The following LPAR1 variants were observed in gnomAD, a reference collection of about 807,000 sequenced individuals.
LPAR1 encodes LPA receptor 1.
A neutral mutation model predicts 23.8 loss-of-function variants in LPAR1; 5 were observed. That is an observed-to-expected ratio of 0.21 (90% CI 0.11 to 0.44). The LOEUF (loss-of-function observed/expected upper bound fraction) is 0.44, where lower values mean the gene tolerates loss of function less well. Ranked by LOEUF, LPAR1 falls within the 20% of genes least tolerant of loss-of-function variation. LPAR1 has a pLI of 0.99. For missense variants in LPAR1, 311 were observed against 482.8 expected, an observed-to-expected ratio of 0.64 and a Z score of 3.33; for synonymous variants, 160 against 164.7, an observed-to-expected ratio of 0.97 and a Z score of 0.22.
intron 5 of LPAR1, among the ~76,000 whole-genome samples, chr9:110,901,253 T>C (rs963120914): frequency 6.6e-6 from 1 of 152,156 alleles, no homozygotes; most frequent in Non-Finnish European, 1.5e-5. Flanking sequence ...GGCCTAAAGA[T>C]AGAGTATTTG....
chr9:110,884,274 C>T (rs965137288), intron 5 of LPAR1, among the ~76,000 whole-genome samples: 4 of 152,164 alleles, frequency 2.6e-5, no homozygotes, highest in Middle Eastern at 3.2e-3. Context: ...CTGCTCTCCT[C>T]GCAATCTAAT....
At chr9:110,901,738 A>G (rs563878578) in intron 5 of LPAR1, among the ~76,000 whole-genome samples, 55 of 151,292 alleles carry the variant, frequency 3.6e-4, no homozygotes, top group African/African-American at 1.3e-3. Context: ...ATATCACAGC[A>G]TGATTACGAA....
chr9:111,030,372 C>G (rs970030953), intron 2 of LPAR1, among the ~76,000 whole-genome samples: 1 of 152,220 alleles, frequency 6.6e-6, no homozygotes, highest in Non-Finnish European at 1.5e-5. Context: ...TAACAAAAGG[C>G]AATTCTGTTT....
chr9:110,897,384 G>A (rs2086787184), intron 5 of LPAR1, among the ~76,000 whole-genome samples: 1 of 152,148 alleles, frequency 6.6e-6, no homozygotes, highest in African/African-American at 2.4e-5. Context: ...CCACGATTGT[G>A]TGGCCTCCCA....
chr9:110,884,840 T>C (rs995341432), intron 5 of LPAR1, among the ~76,000 whole-genome samples: 2 of 152,252 alleles, frequency 1.3e-5, no homozygotes, highest in Non-Finnish European at 2.9e-5. Flanking sequence ...TTACAATGAA[T>C]GTTGGATATT....
intron 2 of LPAR1, among the ~76,000 whole-genome samples, chr9:110,984,369 ACCTCCAGTT>A (rs2096735397): frequency 1.3e-5 from 2 of 151,866 alleles, no homozygotes; most frequent in South Asian, 2.1e-4. Flanking sequence ...TAACACAGTG[ACCTCCAGTT>A]CCATCCATGT....
chr9:111,023,655 A>G (rs993531007), intron 2 of LPAR1, among the ~76,000 whole-genome samples: 3 of 152,210 alleles, frequency 2.0e-5, no homozygotes, highest in African/African-American at 4.8e-5. Flanking sequence ...TGGATGTTGA[A>G]AAATGAATGA....
chr9:111,028,536 T>C (rs1046603272), intron 2 of LPAR1, among the ~76,000 whole-genome samples: 10 of 152,160 alleles, frequency 6.6e-5, no homozygotes, highest in African/African-American at 2.4e-4. Context: ...AAGAATAAAC[T>C]TGTCTTTTTT....
intron 5 of LPAR1, among the ~76,000 whole-genome samples, chr9:110,910,267 C>G (rs2134321366): frequency 6.6e-6 from 1 of 152,112 alleles, no homozygotes; most frequent in Admixed American, 6.6e-5. Flanking sequence ...TCCTACAGCC[C>G]TTAAGAATTA....
At chr9:110,950,183 G>A (rs2095524255) in intron 4 of LPAR1, among the ~76,000 whole-genome samples, 1 of 151,984 alleles carries the variant, frequency 6.6e-6, no homozygotes, top group South Asian at 2.1e-4. Flanking sequence ...AACAAGGACA[G>A]GCGTGGTGGT....
At chr9:110,918,304 T>C (rs529564866) in intron 5 of LPAR1, among the ~76,000 whole-genome samples, 55 of 152,330 alleles carry the variant, frequency 3.6e-4, no homozygotes, top group African/African-American at 1.3e-3. Flanking sequence ...GTAAGACTGC[T>C]ATTGGACATA....
chr9:110,942,776 A>G (rs1456620779), intron 4 of LPAR1, among the ~76,000 whole-genome samples: 1 of 152,162 alleles, frequency 6.6e-6, no homozygotes, highest in Non-Finnish European at 1.5e-5. Context: ...CTACCCCCAC[A>G]ACTCCTTAAG....
intron 2 of LPAR1, among the ~76,000 whole-genome samples, chr9:111,019,961 C>G (rs1024652805): frequency 1.1e-4 from 17 of 152,184 alleles, no homozygotes; most frequent in Non-Finnish European, 2.4e-4. Flanking sequence ...TGAGGGCTCT[C>G]CTTTTGGCTT....
At chr9:110,994,608 G>A (rs71501655) in intron 2 of LPAR1, among the ~76,000 whole-genome samples, 1 of 152,124 alleles carries the variant, frequency 6.6e-6, no homozygotes, top group Non-Finnish European at 1.5e-5. Flanking sequence ...CTTTTTTACT[G>A]TACTTGCAAC....
At chr9:111,035,625 C>G (rs942537687) in intron 2 of LPAR1, among the ~76,000 whole-genome samples, 1 of 152,126 alleles carries the variant, frequency 6.6e-6, no homozygotes, top group Non-Finnish European at 1.5e-5. Flanking sequence ...GACTTTAAAC[C>G]AAGAGCTTAT....
At chr9:110,966,794 G>T (rs939831104) in intron 4 of LPAR1, among the ~76,000 whole-genome samples, 1 of 152,032 alleles carries the variant, frequency 6.6e-6, no homozygotes, top group African/African-American at 2.4e-5. Context: ...TACCTATTCT[G>T]GCCTCTAATA....
At chr9:111,031,998 C>A (rs2097803289) in intron 2 of LPAR1, among the ~76,000 whole-genome samples, 1 of 152,186 alleles carries the variant, frequency 6.6e-6, no homozygotes, top group South Asian at 2.1e-4. Flanking sequence ...TGATAGAGGG[C>A]AAGCTCCATG....
At chr9:110,969,868 T>C (rs979713715) in intron 4 of LPAR1, among the ~76,000 whole-genome samples, 2 of 152,194 alleles carry the variant, frequency 1.3e-5, no homozygotes, top group African/African-American at 4.8e-5. Context: ...ATACATTCCT[T>C]ATACACTCCT....
Position 110,936,902 on chromosome 9 carries a change from T to C in LPAR1, c.793+4519A>G, listed in dbSNP as rs75588199. Among the ~76,000 whole-genome samples, 933 of 152,294 alleles carry C rather than the reference T, an allele frequency of 6.1e-3. 10 individuals are homozygous for C. Among genetic ancestry groups the C allele is most frequent in the African/African-American group, 0.021 (888 of 41,578 alleles). On this transcript the variant is annotated intron_variant, in intron 5 of 5. Transcript: ENST00000683809. ...AGGACTTATAATTCAAGACATGCCATGGTCAAATAAGGAAGAACATCTTGA... is the reference window on the plus strand; with the variant it reads ...AGGACTTATAATTCAAGACATGCCACGGTCAAATAAGGAAGAACATCTTGA...
Sources: gnomAD v4.1 joint callset for allele counts (sites outside exome capture counted in the v4.1 genomes callset) on GRCh38, gnomAD v4.1.1 for gene constraint, MANE v1.5 for transcripts, NCBI Gene and HGNC (gene_info 2026-07-23, HGNC 2026-07-21) for gene names.